Variants in OTULIN observed in about 807,000 individuals in gnomAD.
The protein encoded by OTULIN is OTU deubiquitinase with linear linkage specificity.
A neutral mutation model predicts 39.6 loss-of-function variants in OTULIN; 15 were observed. That is an observed-to-expected ratio of 0.38 (90% CI 0.25 to 0.58). The LOEUF (loss-of-function observed/expected upper bound fraction) is 0.58, where lower values mean the gene tolerates loss of function less well. OTULIN is among the 20% of genes least tolerant of loss of function. The pLI is 0.66. For missense variants in OTULIN, 319 were observed against 445.9 expected, an observed-to-expected ratio of 0.72 and a Z score of 2.56; for synonymous variants, 156 against 170.3, an observed-to-expected ratio of 0.92 and a Z score of 0.65.
At chr5:14,686,427 A>G (rs1736389928) in intron 4 of OTULIN, among the ~76,000 whole-genome samples, 1 of 152,062 alleles carries the variant, frequency 6.6e-6, no homozygotes, top group African/African-American at 2.4e-5. Flanking sequence ...CAGCCTCCTG[A>G]GTAGCTGGGA....
intron 1 of OTULIN, among the ~76,000 whole-genome samples, chr5:14,667,724 T>C (rs1222529378): frequency 3.9e-5 from 6 of 152,108 alleles, no homozygotes; most frequent in Non-Finnish European, 8.8e-5. Flanking sequence ...CTCCCTCTCT[T>C]CCTTCCTTTT....
Sources: allele counts gnomAD v4.1 joint callset (sites outside exome capture counted in the v4.1 genomes callset), GRCh38; gene constraint gnomAD v4.1.1; transcripts MANE v1.5; gene names NCBI Gene and HGNC (gene_info 2026-07-23, HGNC 2026-07-21).